CACNB4: variants seen among roughly 807,000 people sequenced by gnomAD.
CACNB4 encodes the protein voltage-dependent L-type calcium channel subunit beta-4.
CACNB4 carries 32 observed loss-of-function variants against 71.2 expected under a neutral mutation model. The observed-to-expected ratio is 0.45, with a 90% confidence interval of 0.34 to 0.60. The LOEUF (loss-of-function observed/expected upper bound fraction) is 0.60. Ranked by LOEUF, CACNB4 falls within the 20% of genes least tolerant of loss-of-function variation. The pLI, the probability that CACNB4 is intolerant of heterozygous loss-of-function variation, is 0.01. For missense variants in CACNB4, 464 were observed against 647.9 expected (o/e 0.72, Z 3.08); for synonymous variants, 231 against 236.9 (o/e 0.97, Z 0.23).
chr2:151,969,778 T>C (rs1441754933), intron 2 of CACNB4: 2 of 152,254 alleles, frequency 1.3e-5, no homozygotes, highest in African/African-American at 2.4e-5. Flanking sequence ...AGTATGTGCT[T>C]TTATATATAC....
chr2:151,935,287 A>C (rs969803259), intron 2 of CACNB4, among the ~76,000 whole-genome samples: 1 of 152,144 alleles, frequency 6.6e-6, no homozygotes, highest in Non-Finnish European at 1.5e-5. Context: ...CTACTTATTA[A>C]CTTTGCCTTT....
chr2:152,092,941 A>T (rs1688058130), intron 2 of CACNB4, among the ~76,000 whole-genome samples: 1 of 152,146 alleles, frequency 6.6e-6, no homozygotes, highest in Admixed American at 6.5e-5. Flanking sequence ...AAAACAGAAC[A>T]ATGTTAACAA....
chr2:152,027,316 C>A (rs1048477121), intron 2 of CACNB4, among the ~76,000 whole-genome samples: 19 of 152,234 alleles, frequency 1.2e-4, no homozygotes, highest in African/African-American at 4.6e-4. Flanking sequence ...CTACTGAGAG[C>A]CTCTGACTGC....
At position 151,839,173 on chromosome 2, in the gene CACNB4, A is replaced by G. The variant is rs1060503173; in HGVS notation, c.1509T>C (p.His503=). 2.5e-6 allele frequency: 4 copies of G among 1,613,252 alleles called. No homozygotes were observed. The highest frequency in any genetic ancestry group is 2.2e-5 in the South Asian group (2 of 91,058). ...ATCCCCCAGGTGATCCTCGGTTCCT[A>G]TGGGGTTTGTAAGTGTCCTGGTATG... ...PDSYQDTYKP[H]RNRGSPGGYS... Residue 503 remains histidine, a synonymous_variant, in exon 14 of 14, where the codon CAT becomes CAC. Coordinates refer to ENST00000539935, the MANE Select transcript of CACNB4 (RefSeq NM_000726.5).
chr2:151,835,621 G>T lies in CACNB4; in HGVS notation c.*3498C>A, dbSNP rs1369282144. 1 of 151,680 alleles carries T rather than the reference G, an allele frequency of 6.6e-6. No individual in the cohort carries two copies. The highest frequency in any genetic ancestry group is 1.5e-5 in the Non-Finnish European group (1 of 67,752). The allele number at this position is 151,680 out of a possible 1,614,324, so 9.4% of individuals were successfully genotyped here. A position where few individuals can be genotyped will look rare whatever the true frequency, so the allele number is the denominator to read the frequency against. The stretch of plus-strand genomic sequence containing the variant: ...AGACACATTCTTAACGGACATCCTG[G>T]GTCTTAACAACATTTTGTGATATGT... On this transcript the variant is annotated 3_prime_UTR_variant, in exon 14 of 14. Coordinates refer to ENST00000539935, the MANE Select transcript of CACNB4 (RefSeq NM_000726.5).
At position 151,836,765 on chromosome 2, in the gene CACNB4, A is replaced by C. The variant is rs1014507762; in HGVS notation, c.*2354T>G. 6.6e-6 allele frequency: 1 copy of C among 151,972 alleles called. No homozygotes were observed. Among genetic ancestry groups the C allele is most frequent in the Non-Finnish European group, 1.5e-5 (1 of 67,822 alleles). 9.4% of individuals were successfully genotyped at this position (151,972 alleles called of 1,614,324 possible). A position where few individuals can be genotyped will look rare whatever the true frequency, so the allele number is the denominator to read the frequency against. ...AAGTGACTTTTAAAAAGTTGAAAGAAGATGGTAATCTTGATGACTAGGAAA... is the reference window on the plus strand; with the variant it reads ...AAGTGACTTTTAAAAAGTTGAAAGACGATGGTAATCTTGATGACTAGGAAA... On this transcript the variant is annotated 3_prime_UTR_variant, in exon 14 of 14. Transcript: ENST00000539935.
intron 2 of CACNB4, among the ~76,000 whole-genome samples, chr2:152,056,090 C>T (rs1436415622): frequency 6.6e-6 from 1 of 152,032 alleles, no homozygotes; most frequent in Non-Finnish European, 1.5e-5. Context: ...CGGCTGGGCA[C>T]GGTGGCTCAC....
At chr2:151,911,901 G>A (rs1188050754) in intron 2 of CACNB4, among the ~76,000 whole-genome samples, 2 of 152,104 alleles carry the variant, frequency 1.3e-5, no homozygotes, top group East Asian at 3.9e-4. Context: ...TCTCGGTAGG[G>A]TGTATGTGTC....
At chr2:151,878,367 C>G (rs933711732) in intron 4 of CACNB4, among the ~76,000 whole-genome samples, 8 of 152,118 alleles carry the variant, frequency 5.3e-5, no homozygotes, top group Non-Finnish European at 1.0e-4. Flanking sequence ...GTTATGCACA[C>G]AGCTTCTCCA....
intron 2 of CACNB4, among the ~76,000 whole-genome samples, chr2:151,921,654 T>C (rs761560119): frequency 6.6e-6 from 1 of 152,158 alleles, no homozygotes; most frequent in Non-Finnish European, 1.5e-5. Context: ...ATATTTGATA[T>C]GGTTTGGCTC....
At chr2:151,943,584 T>C (rs900538108) in intron 2 of CACNB4, among the ~76,000 whole-genome samples, 1 of 152,130 alleles carries the variant, frequency 6.6e-6, no homozygotes, top group East Asian at 1.9e-4. Flanking sequence ...CAAATATTCA[T>C]TGAAAGGGAA....
chr2:151,971,369 T>C, intron 2 of CACNB4: 1 of 617,776 alleles, frequency 1.6e-6, no homozygotes, highest in Non-Finnish European at 2.9e-6. Flanking sequence ...CACAGAACGG[T>C]AGGACATATG....
intron 2 of CACNB4, among the ~76,000 whole-genome samples, chr2:151,951,421 C>T (rs1489414580): frequency 2.0e-5 from 3 of 152,148 alleles, no homozygotes; most frequent in Non-Finnish European, 4.4e-5. Context: ...AGAGCCAGCA[C>T]ACAGCCCCAG....
At chr2:151,945,014 T>C (rs1233323731) in intron 2 of CACNB4, among the ~76,000 whole-genome samples, 2 of 152,192 alleles carry the variant, frequency 1.3e-5, no homozygotes, top group African/African-American at 4.8e-5. Context: ...CATTAGCTAT[T>C]CACAGGAGAT....
chr2:152,089,167 G>A (rs1181576794), intron 2 of CACNB4, among the ~76,000 whole-genome samples: 1 of 152,142 alleles, frequency 6.6e-6, no homozygotes, highest in East Asian at 1.9e-4. Context: ...ATAGAATGAA[G>A]AGCACTGGAT....
At chr2:151,864,561 G>A (rs1456076311) in intron 9 of CACNB4, among the ~76,000 whole-genome samples, 1 of 152,114 alleles carries the variant, frequency 6.6e-6, no homozygotes, top group Non-Finnish European at 1.5e-5. Flanking sequence ...AAAACTTCTG[G>A]TATTAGTAGG....
chr2:152,043,638 C>A (rs562560169), intron 2 of CACNB4, among the ~76,000 whole-genome samples: 7 of 152,140 alleles, frequency 4.6e-5, no homozygotes, highest in Non-Finnish European at 1.0e-4. Context: ...TTTACCTTCA[C>A]ACTTAAAGTG....
chr2:151,834,134 AAC>A lies in CACNB4; in HGVS notation c.*4983_*4984del, dbSNP rs2099834382. 6.6e-6 allele frequency: 1 copy of A among 152,056 alleles called. No homozygotes were observed. Among genetic ancestry groups the A allele is most frequent in the Non-Finnish European group, 1.5e-5 (1 of 67,896 alleles). 9.4% of individuals were successfully genotyped at this position (152,056 alleles called of 1,614,324 possible). A position where few individuals can be genotyped will look rare whatever the true frequency, so the allele number is the denominator to read the frequency against. ...TTTGTTGAGAAATTTAAGTGTTCAA[AAC>A]ATAACCAAGAACACTTATCAGGTAT... is the stretch of plus-strand genomic sequence containing the variant. On this transcript the variant is annotated 3_prime_UTR_variant, in exon 14 of 14. Coordinates refer to ENST00000539935, the MANE Select transcript of CACNB4 (RefSeq NM_000726.5).
At chr2:151,973,651 A>C (rs371509292) in intron 2 of CACNB4, 6 of 1,610,412 alleles carry the variant, frequency 3.7e-6, no homozygotes, top group Non-Finnish European at 5.1e-6. Context: ...GGAATTAGCT[A>C]TCTATGAAAA....
Sources: gnomAD v4.1 joint callset for allele counts (sites outside exome capture counted in the v4.1 genomes callset) on GRCh38, gnomAD v4.1.1 for gene constraint, MANE v1.5 for transcripts, NCBI Gene and HGNC (gene_info 2026-07-23, HGNC 2026-07-21) for gene names.